The following ESRRG variants were observed in gnomAD, a reference collection of about 807,000 sequenced individuals.
ESRRG encodes estrogen-related receptor gamma.
Under a neutral mutation model 44.0 loss-of-function variants are expected in ESRRG, and 13 were observed. That is an observed-to-expected ratio of 0.30 (90% CI 0.19 to 0.47). ESRRG has a LOEUF of 0.47. Among genes scored for constraint, ESRRG ranks in the 20% least tolerant of loss-of-function variants. The pLI is 1.00. For missense variants in ESRRG, 395 were observed against 580.6 expected, an observed-to-expected ratio of 0.68 and a Z score of 3.29; for synonymous variants, 215 against 214.6, an observed-to-expected ratio of 1.00 and a Z score of -0.02.
chr1:216,521,984 G>T (rs933951201), intron 5 of ESRRG, among the ~76,000 whole-genome samples: 1 of 152,122 alleles, frequency 6.6e-6, no homozygotes, highest in Non-Finnish European at 1.5e-5. Context: ...CTTTAAAGTT[G>T]CACCGGGCCC....
In ESRRG at chr1:217,088,986, A is replaced by G. The variant is rs2092264300; in HGVS notation, c.-106+521T>C. ...AGGGTTGGGGAGAGAGAAGGGAGGG[A>G]AAGCAGCGTAGAGGACAGGAGGGAG... On this transcript the variant is annotated intron_variant, in intron 1 of 7. Transcript: ENST00000359162. Among the ~76,000 whole-genome samples, 3 of 152,012 alleles carry G rather than the reference A, an allele frequency of 2.0e-5. 1 individual carries two copies. Among genetic ancestry groups the G allele is most frequent in the Admixed American group, 1.3e-4 (2 of 15,258 alleles).
intron 2 of ESRRG, among the ~76,000 whole-genome samples, chr1:216,904,211 C>CA (rs201137269): frequency 3.6e-4 from 54 of 151,266 alleles, no homozygotes; most frequent in Non-Finnish European, 6.9e-4. Context: ...ATCACCCCCC[C>CA]CAACTGATAA....
At chr1:216,551,967 A>G (rs1473911605) in intron 5 of ESRRG, among the ~76,000 whole-genome samples, 2 of 152,128 alleles carry the variant, frequency 1.3e-5, no homozygotes, top group African/African-American at 2.4e-5. Context: ...TCTCTCTACT[A>G]TATCTCTCTG....
intron 1 of ESRRG, among the ~76,000 whole-genome samples, chr1:216,700,552 C>G (rs17627924): frequency 0.039 from 5,969 of 152,122 alleles, 200 homozygotes; most frequent in Admixed American, 0.055. Context: ...GCTGGACTCT[C>G]GTACTACTGG....
At chr1:217,119,093 A>G (rs969663153) in intron 1 of ESRRG, among the ~76,000 whole-genome samples, 2 of 152,208 alleles carry the variant, frequency 1.3e-5, no homozygotes, top group African/African-American at 4.8e-5. Context: ...CAAGAAAACA[A>G]TAAAGAATGA....
chr1:216,540,843 T>C (rs568941351), intron 5 of ESRRG, among the ~76,000 whole-genome samples: 1 of 152,176 alleles, frequency 6.6e-6, no homozygotes, highest in African/African-American at 2.4e-5. Flanking sequence ...TTGATTAGTA[T>C]TTTTCACTAC....
chr1:216,910,258 A>T lies in ESRRG; in HGVS notation c.-14+29324T>A, dbSNP rs185910308. Reference sequence around the variant, plus strand: ...GGCACACATACACACACACACACACACGCATACATTGTGGGTTTTTCTCTC... The same window carrying T: ...GGCACACATACACACACACACACACTCGCATACATTGTGGGTTTTTCTCTC... On this transcript the variant is annotated intron_variant, in intron 2 of 7. Transcript: ENST00000359162. 2.4e-3 allele frequency among the ~76,000 whole-genome samples: 372 copies of T among 152,066 alleles called. 3 individuals are homozygous for T. The highest frequency in any genetic ancestry group is 7.7e-3 in the African/African-American group (321 of 41,488).
chr1:216,522,981 T>C (rs970061736), intron 5 of ESRRG, among the ~76,000 whole-genome samples: 1 of 152,200 alleles, frequency 6.6e-6, no homozygotes, highest in Non-Finnish European at 1.5e-5. Context: ...GAGAAACCTC[T>C]TTCCCAAGTG....
chr1:217,126,099 G>A (rs1275638043), intron 1 of ESRRG, among the ~76,000 whole-genome samples: 1 of 152,182 alleles, frequency 6.6e-6, no homozygotes, highest in Non-Finnish European at 1.5e-5. Flanking sequence ...CAGAGGCCTA[G>A]CTTTGAGTCT....
intron 1 of ESRRG, among the ~76,000 whole-genome samples, chr1:217,123,746 C>A (rs1003493847): frequency 2.6e-5 from 4 of 151,784 alleles, no homozygotes; most frequent in African/African-American, 9.7e-5. Flanking sequence ...CACACTGGAG[C>A]CTGTTAGGGG....
chr1:216,708,394 T>A (rs1289570607), intron 1 of ESRRG, among the ~76,000 whole-genome samples: 1 of 152,196 alleles, frequency 6.6e-6, no homozygotes, highest in Non-Finnish European at 1.5e-5. Context: ...TAAGTTTACA[T>A]TATATTCACA....
chr1:216,529,453 T>C (rs1260276779), intron 5 of ESRRG, among the ~76,000 whole-genome samples: 1 of 152,176 alleles, frequency 6.6e-6, no homozygotes, highest in Non-Finnish European at 1.5e-5. Flanking sequence ...ATCAAAAATA[T>C]GCTTTTTAAG....
chr1:216,511,958 T>C (rs1208140311), intron 6 of ESRRG, among the ~76,000 whole-genome samples: 2 of 152,054 alleles, frequency 1.3e-5, no homozygotes, highest in African/African-American at 4.8e-5. Flanking sequence ...AGCTGCTAAA[T>C]AAAGAGAAAT....
At chr1:216,716,280 T>C (rs1233646770) in intron 1 of ESRRG, among the ~76,000 whole-genome samples, 1 of 152,092 alleles carries the variant, frequency 6.6e-6, no homozygotes, top group Non-Finnish European at 1.5e-5. Flanking sequence ...TGGAAACTTA[T>C]TGCTATCTAT....
chr1:216,845,456 C>T (rs999540742), intron 2 of ESRRG, among the ~76,000 whole-genome samples: 4 of 152,238 alleles, frequency 2.6e-5, no homozygotes, highest in East Asian at 1.9e-4. Context: ...TAGTTATCAT[C>T]GGCTTTGGTA....
chr1:217,129,705 A>T (rs987200006), intron 1 of ESRRG, among the ~76,000 whole-genome samples: 4 of 152,334 alleles, frequency 2.6e-5, no homozygotes, highest in Non-Finnish European at 5.9e-5. Context: ...GAAGCCAGAT[A>T]CAAAAGGCCA....
At chr1:216,510,549 C>T (rs2042406299) in intron 6 of ESRRG, among the ~76,000 whole-genome samples, 1 of 152,128 alleles carries the variant, frequency 6.6e-6, no homozygotes. Context: ...ATTTTTATAT[C>T]TTCCCTTGAA....
intron 3 of ESRRG, among the ~76,000 whole-genome samples, chr1:216,629,186 C>G (rs952210264): frequency 2.0e-5 from 3 of 152,072 alleles, no homozygotes; most frequent in Admixed American, 2.0e-4. Context: ...CCACTTGGAA[C>G]AAGAGATGGT....
At chr1:216,537,558 G>A (rs886356059) in intron 5 of ESRRG, among the ~76,000 whole-genome samples, 1 of 152,046 alleles carries the variant, frequency 6.6e-6, no homozygotes, top group African/African-American at 2.4e-5. Context: ...GTGCTGACTG[G>A]AGAATGGGGC....
Sources: gnomAD v4.1 joint callset for allele counts (sites outside exome capture counted in the v4.1 genomes callset) on GRCh38, gnomAD v4.1.1 for gene constraint, MANE v1.5 for transcripts, NCBI Gene and HGNC (gene_info 2026-07-23, HGNC 2026-07-21) for gene names.